The following EFCAB11 variants were observed in gnomAD, a reference collection of about 807,000 sequenced individuals.
The protein encoded by EFCAB11 is EF-hand calcium-binding domain-containing protein 11.
Under a neutral mutation model 23.0 loss-of-function variants are expected in EFCAB11, and 14 were observed. The ratio of observed to expected loss-of-function variants is 0.61; its 90% confidence interval spans 0.40 to 0.95. EFCAB11 has a LOEUF of 0.95. Ranked by LOEUF, EFCAB11 falls within the 40% of genes least tolerant of loss-of-function variation. EFCAB11 has a pLI of 0.00. For missense variants in EFCAB11, 198 were observed against 195.8 expected (o/e 1.01, Z -0.07); for synonymous variants, 65 against 66.6 (o/e 0.98, Z 0.11).
intron 5 of EFCAB11, among the ~76,000 whole-genome samples, chr14:89,833,553 C>T (rs1482274203): frequency 6.6e-6 from 1 of 152,140 alleles, no homozygotes; most frequent in Non-Finnish European, 1.5e-5. Context: ...ATAGTTCTCG[C>T]TGAATTCTTT....
intron 5 of EFCAB11, among the ~76,000 whole-genome samples, chr14:89,865,282 G>A (rs1888049069): frequency 6.6e-6 from 1 of 152,158 alleles, no homozygotes; most frequent in Non-Finnish European, 1.5e-5. Context: ...AAAGCAGCTG[G>A]AGTTACAATC....
At chr14:89,932,429 C>T (rs1890421522) in intron 4 of EFCAB11, 97 bp downstream of exon 4, 1 of 904,502 alleles carries the variant, frequency 1.1e-6, no homozygotes, top group South Asian at 1.6e-5. Flanking sequence ...TATAATCTTC[C>T]AAGTATATTA....
At chr14:89,858,086 C>T (rs1887810246) in intron 5 of EFCAB11, among the ~76,000 whole-genome samples, 1 of 152,192 alleles carries the variant, frequency 6.6e-6, no homozygotes, top group South Asian at 2.1e-4. Flanking sequence ...ATGTTCCTCC[C>T]TTCAAGAGTA....
chr14:89,864,073 C>G (rs1205680530), intron 5 of EFCAB11, among the ~76,000 whole-genome samples: 4 of 152,118 alleles, frequency 2.6e-5, no homozygotes, highest in African/African-American at 9.7e-5. Flanking sequence ...TTTTAAATAA[C>G]TAGTTCTAAA....
At chr14:89,885,507 T>C (rs975444400) in intron 5 of EFCAB11, among the ~76,000 whole-genome samples, 1 of 151,906 alleles carries the variant, frequency 6.6e-6, no homozygotes, top group Admixed American at 6.6e-5. Flanking sequence ...TGAAACCCCA[T>C]CTCTACTAAA....
At chr14:89,896,564 T>G (rs1889168798) in intron 5 of EFCAB11, among the ~76,000 whole-genome samples, 1 of 152,174 alleles carries the variant, frequency 6.6e-6, no homozygotes, top group Non-Finnish European at 1.5e-5. Flanking sequence ...CATTCCTAAG[T>G]ACATATCCAG....
intron 5 of EFCAB11, among the ~76,000 whole-genome samples, chr14:89,912,289 T>C (rs894529762): frequency 1.6e-4 from 24 of 152,244 alleles, no homozygotes; most frequent in Non-Finnish European, 2.4e-4. Flanking sequence ...GGATCTCTAT[T>C]CTAACGTCTA....
chr14:89,914,232 T>C (rs752329023), intron 5 of EFCAB11, among the ~76,000 whole-genome samples: 3 of 152,202 alleles, frequency 2.0e-5, no homozygotes, highest in Non-Finnish European at 4.4e-5. Flanking sequence ...CATCTTCTCA[T>C]TAACGCAGCA....
At position 89,846,618 on chromosome 14, in the gene EFCAB11, C is replaced by T. The variant is rs143172747; in HGVS notation, c.411-49294G>A. On this transcript the variant is annotated intron_variant, in intron 5 of 5. Coordinates refer to ENST00000316738, the MANE Select transcript of EFCAB11 (RefSeq NM_145231.4). The stretch of plus-strand genomic sequence containing the variant: ...ATTAATTGATCAATATCAAGAATAC[C>T]GTGCACAACTCCCTGTACTCACAAC... Among the ~76,000 whole-genome samples, 608 of 152,208 alleles carry T rather than the reference C, an allele frequency of 4.0e-3. 6 individuals are homozygous for T. Among genetic ancestry groups the T allele is most frequent in the African/African-American group, 0.014 (580 of 41,528 alleles).
At chr14:89,939,535 A>G (rs1890718606) in intron 3 of EFCAB11, among the ~76,000 whole-genome samples, 1 of 152,170 alleles carries the variant, frequency 6.6e-6, no homozygotes, top group African/African-American at 2.4e-5. Flanking sequence ...CCTGCCCTGC[A>G]TTCATTTACC....
At chr14:89,910,871 A>G (rs747336092) in intron 5 of EFCAB11, among the ~76,000 whole-genome samples, 1 of 152,210 alleles carries the variant, frequency 6.6e-6, no homozygotes, top group Non-Finnish European at 1.5e-5. Context: ...TAGAATTAAC[A>G]TGAGCCTAAT....
At position 89,825,975 on chromosome 14, in the gene EFCAB11, T is replaced by C. The variant is rs545915380; in HGVS notation, c.411-28651A>G. On this transcript the variant is annotated intron_variant, in intron 5 of 5. Coordinates refer to ENST00000316738, the MANE Select transcript of EFCAB11 (RefSeq NM_145231.4). Reference sequence around the variant, plus strand: ...TTGATCATCTACTATGCCATAGGTATTGGAGCAGGGTCCTGGGAATATAGT... The same window carrying C: ...TTGATCATCTACTATGCCATAGGTACTGGAGCAGGGTCCTGGGAATATAGT... Among the ~76,000 whole-genome samples, 460 of 152,330 alleles carry C rather than the reference T, an allele frequency of 3.0e-3. 2 individuals carry two copies. The highest frequency in any genetic ancestry group is 3.4e-3 in the Non-Finnish European group (228 of 68,026).
intron 5 of EFCAB11, among the ~76,000 whole-genome samples, chr14:89,868,494 TCC>T (rs1273560139): frequency 2.0e-5 from 3 of 152,088 alleles, no homozygotes; most frequent in Non-Finnish European, 4.4e-5. Context: ...GATAAAATAC[TCC>T]GTAGAATTAA....
intron 5 of EFCAB11, among the ~76,000 whole-genome samples, chr14:89,902,256 ACATCTTCCCT>A (rs1403663179): frequency 6.6e-6 from 1 of 152,164 alleles, no homozygotes; most frequent in Non-Finnish European, 1.5e-5. Flanking sequence ...GCCCTCAAAA[ACATCTTCCCT>A]AACTTCCCAA....
chr14:89,862,653 T>C (rs535362241), intron 5 of EFCAB11, among the ~76,000 whole-genome samples: 1 of 152,354 alleles, frequency 6.6e-6, no homozygotes, highest in South Asian at 2.1e-4. Context: ...CTACAACACA[T>C]AAGTTGTTCT....
chr14:89,812,174 T>C (rs1447264740), intron 5 of EFCAB11, among the ~76,000 whole-genome samples: 2 of 152,112 alleles, frequency 1.3e-5, no homozygotes, highest in Non-Finnish European at 2.9e-5. Flanking sequence ...AATAGTGATC[T>C]AAACTAAAGG....
intron 5 of EFCAB11, among the ~76,000 whole-genome samples, chr14:89,835,824 CA>C (rs1453167284): frequency 6.6e-6 from 1 of 151,918 alleles, no homozygotes; most frequent in African/African-American, 2.4e-5. Context: ...GACAGGGTTT[CA>C]CCATGTTGGC....
At chr14:89,818,697 C>A (rs1015576025) in intron 5 of EFCAB11, among the ~76,000 whole-genome samples, 2 of 151,994 alleles carry the variant, frequency 1.3e-5, no homozygotes, top group African/African-American at 4.8e-5. Context: ...AAAGCAAATA[C>A]CACGTAAAAA....
At chr14:89,915,243 A>G (rs4445834) in intron 5 of EFCAB11, among the ~76,000 whole-genome samples, 48,404 of 152,166 alleles carry the variant, frequency 0.32, 11,821 homozygotes, top group African/African-American at 0.68. Context: ...ATTAACATAG[A>G]CCAATGACAT....
Sources: gnomAD v4.1 joint callset for allele counts (sites outside exome capture counted in the v4.1 genomes callset) on GRCh38, gnomAD v4.1.1 for gene constraint, MANE v1.5 for transcripts, NCBI Gene and HGNC (gene_info 2026-07-23, HGNC 2026-07-21) for gene names.